PHACTR1: variants seen among roughly 807,000 people sequenced by gnomAD.
The protein encoded by PHACTR1 is phosphatase and actin regulator 1, also known as RPEL repeat containing 1.
A neutral mutation model predicts 69.2 loss-of-function variants in PHACTR1; 16 were observed. The ratio of observed to expected loss-of-function variants is 0.23; its 90% confidence interval spans 0.16 to 0.35. PHACTR1 has a LOEUF of 0.35. Ranked by LOEUF, PHACTR1 falls within the 10% of genes least tolerant of loss-of-function variation. The probability of loss-of-function intolerance (pLI) is 1.00; values close to 1 mark genes in which losing one functional copy is unlikely to be tolerated. For synonymous variants in PHACTR1, 312 were observed against 284.5 expected, an observed-to-expected ratio of 1.10 and a Z score of -0.97; for missense variants, 510 against 734.7, an observed-to-expected ratio of 0.69 and a Z score of 3.54.
chr6:12,734,322 C>T (rs547735705), intron 3 of PHACTR1, among the ~76,000 whole-genome samples: 1 of 152,306 alleles, frequency 6.6e-6, no homozygotes, highest in East Asian at 1.9e-4. Context: ...TTCTCAGCCA[C>T]AGTCTTGCTT....
At chr6:12,883,658 A>G (rs1273012611) in intron 4 of PHACTR1, among the ~76,000 whole-genome samples, 2 of 151,910 alleles carry the variant, frequency 1.3e-5, no homozygotes. Flanking sequence ...CTGTCTGGGG[A>G]TGGCTCAGGT....
At chr6:13,103,695 A>T (rs992322406) in intron 5 of PHACTR1, among the ~76,000 whole-genome samples, 1 of 152,214 alleles carries the variant, frequency 6.6e-6, no homozygotes, top group African/African-American at 2.4e-5. Flanking sequence ...ACCTTGTGAC[A>T]CCCATTGTTG....
rs1287187453 is a variant in PHACTR1 at position 12,771,079 on chromosome 6, A to G, written c.250+21289A>G. ...GCAGGGCCCCAGAGGCTTTTGCTCCAAAAAGCTCATGATAACAACATGAGA... is the reference window on the plus strand; with the variant it reads ...GCAGGGCCCCAGAGGCTTTTGCTCCGAAAAGCTCATGATAACAACATGAGA... On this transcript the variant is annotated intron_variant, in intron 4 of 14. Transcript: ENST00000332995. Among the ~76,000 whole-genome samples the G allele has an allele frequency of 2.0e-5, 3 of 152,344 alleles. No individual in the cohort carries two copies. The East Asian group carries it at 5.8e-4, about 29-fold the overall frequency.
At chr6:13,059,551 T>C (rs1263742609) in intron 5 of PHACTR1, among the ~76,000 whole-genome samples, 1 of 152,046 alleles carries the variant, frequency 6.6e-6, no homozygotes, top group Admixed American at 6.6e-5. Flanking sequence ...TTTATTACCT[T>C]GATTGTGGTG....
intron 5 of PHACTR1, among the ~76,000 whole-genome samples, chr6:13,055,601 C>T (rs916085717): frequency 2.0e-5 from 3 of 152,172 alleles, no homozygotes; most frequent in East Asian, 1.9e-4. Flanking sequence ...ACACACATTT[C>T]GGTAATTGTC....
At chr6:12,917,551 G>A (rs1787148292) in intron 4 of PHACTR1, among the ~76,000 whole-genome samples, 2 of 152,158 alleles carry the variant, frequency 1.3e-5, no homozygotes, top group Non-Finnish European at 2.9e-5. Flanking sequence ...CCAGGAGTTT[G>A]AGACAAGCCT....
intron 5 of PHACTR1, among the ~76,000 whole-genome samples, chr6:13,100,722 C>T (rs116267713): frequency 0.018 from 2,721 of 152,220 alleles, 39 homozygotes; most frequent in Non-Finnish European, 0.028. Context: ...AATCAACAAG[C>T]ATTTATTTAA....
intron 4 of PHACTR1, among the ~76,000 whole-genome samples, chr6:12,998,359 T>C (rs1245760249): frequency 6.6e-6 from 1 of 152,144 alleles, no homozygotes; most frequent in Non-Finnish European, 1.5e-5. Context: ...GGCTCATGCC[T>C]GTAATCTCAG....
intron 5 of PHACTR1, among the ~76,000 whole-genome samples, chr6:13,084,142 A>G (rs1406245313): frequency 1.3e-5 from 2 of 152,122 alleles, no homozygotes; most frequent in Non-Finnish European, 2.9e-5. Flanking sequence ...CAACAATGAC[A>G]GACTGGATTA....
intron 4 of PHACTR1, among the ~76,000 whole-genome samples, chr6:13,013,857 AGCGCCCGGCCCCGG>A (rs1799771665): frequency 6.7e-6 from 1 of 148,242 alleles, no homozygotes; most frequent in Non-Finnish European, 1.5e-5. Flanking sequence ...GGGCCGGAGC[AGCGCCCGGCCCCGG>A]GCGCCCGGGG....
chr6:12,830,118 AAAGAAAGAAAG>A (rs1777331105), intron 4 of PHACTR1, among the ~76,000 whole-genome samples: 1 of 120,536 alleles, frequency 8.3e-6, no homozygotes, highest in African/African-American at 3.2e-5. Context: ...AGAAAGAAAG[AAAGAAAGAAAG>A]AAAGAAAGAA....
intron 4 of PHACTR1, among the ~76,000 whole-genome samples, chr6:13,004,366 C>A (rs1798525642): frequency 6.6e-6 from 1 of 151,982 alleles, no homozygotes; most frequent in Non-Finnish European, 1.5e-5. Context: ...GTTAGCATTT[C>A]TCTGATTAGT....
At chr6:12,931,287 A>T (rs1788843504) in intron 4 of PHACTR1, among the ~76,000 whole-genome samples, 2 of 152,152 alleles carry the variant, frequency 1.3e-5, no homozygotes, top group African/African-American at 4.8e-5. Flanking sequence ...CTTCAAGAAG[A>T]TAACCCAAAA....
intron 4 of PHACTR1, among the ~76,000 whole-genome samples, chr6:12,803,479 A>C (rs1165678389): frequency 1.3e-5 from 2 of 152,202 alleles, no homozygotes. Flanking sequence ...ATTAAGGGTC[A>C]CAAAAACGTG....
chr6:12,956,804 G>A (rs956556493), intron 4 of PHACTR1, among the ~76,000 whole-genome samples: 4 of 152,122 alleles, frequency 2.6e-5, no homozygotes, highest in East Asian at 1.9e-4. Context: ...TTCAACTGAC[G>A]ACGCACTTGA....
intron 12 of PHACTR1, chr6:13,280,876 C>T (rs1482974343): frequency 9.4e-7 from 1 of 1,066,178 alleles, no homozygotes; most frequent in African/African-American, 1.6e-5. Context: ...ACAGCCAGCA[C>T]CAGGCCAAAG....
chr6:13,176,388 C>T (rs4053018), intron 6 of PHACTR1, among the ~76,000 whole-genome samples: 49,969 of 152,004 alleles, frequency 0.33, 8,582 homozygotes, highest in Admixed American at 0.41. Flanking sequence ...ACGTCACTCA[C>T]ATGGTCATTT....
At chr6:12,751,029 G>A (rs913711630) in intron 4 of PHACTR1, among the ~76,000 whole-genome samples, 1 of 152,146 alleles carries the variant, frequency 6.6e-6, no homozygotes, top group Non-Finnish European at 1.5e-5. Flanking sequence ...ATGTGTTAGA[G>A]CAAAGAGAAC....
chr6:12,858,686 C>T lies in PHACTR1; in HGVS notation c.250+108896C>T, dbSNP rs931281366. Reference sequence around the variant, plus strand: ...TGGTGTGTGCCTATAGTCCCAGCTACTTGGTAGGCTGAGGTGGGAGGATCC... The same window carrying T: ...TGGTGTGTGCCTATAGTCCCAGCTATTTGGTAGGCTGAGGTGGGAGGATCC... On this transcript the variant is annotated intron_variant, in intron 4 of 14. Transcript: ENST00000332995. 3.3e-5 allele frequency among the ~76,000 whole-genome samples: 5 copies of T among 151,978 alleles called. 1 individual carries two copies. The highest frequency in any genetic ancestry group is 1.2e-4 in the African/African-American group (5 of 41,348).
Sources: gnomAD v4.1 joint callset for allele counts (sites outside exome capture counted in the v4.1 genomes callset) on GRCh38, gnomAD v4.1.1 for gene constraint, MANE v1.5 for transcripts, NCBI Gene and HGNC (gene_info 2026-07-23, HGNC 2026-07-21) for gene names.